SGCE: variants seen among roughly 807,000 people sequenced by gnomAD.
SGCE encodes sarcoglycan epsilon.
Under a neutral mutation model 57.8 loss-of-function variants are expected in SGCE, and 26 were observed. The observed-to-expected ratio is 0.45, with a 90% CI of 0.33 to 0.62. SGCE has a LOEUF of 0.62. Among genes scored for constraint, SGCE ranks in the 20% least tolerant of loss-of-function variants. SGCE has a pLI of 0.02. For synonymous variants in SGCE, 183 were observed against 189.5 expected, an observed-to-expected ratio of 0.97 and a Z score of 0.28; for missense variants, 468 against 548.6, an observed-to-expected ratio of 0.85 and a Z score of 1.47.
rs1012278886 is a variant in SGCE, at chr7:94,650,226, T to C, written c.109+5764A>G. Among the ~76,000 whole-genome samples the C allele has an allele frequency of 3.9e-5, 6 of 152,180 alleles. No individual in the cohort carries two copies. In the East Asian group the frequency reaches 9.6e-4, roughly 24 times the overall value. Reference sequence around the variant, plus strand: ...TAAAAATTGTAACTGTTAAGTTTTGTAGGGAGATACATCACAAGGGAGGGG... The same window carrying C: ...TAAAAATTGTAACTGTTAAGTTTTGCAGGGAGATACATCACAAGGGAGGGG... On this transcript the variant is annotated intron_variant, in intron 1 of 10. Transcript: ENST00000648936.
At chr7:94,636,712 A>G (rs911176426) in intron 1 of SGCE, among the ~76,000 whole-genome samples, 3 of 152,202 alleles carry the variant, frequency 2.0e-5, no homozygotes, top group Non-Finnish European at 4.4e-5. Flanking sequence ...TAAGGCATTC[A>G]AATTCCTTAG....
Position 94,618,780 on chromosome 7 carries a change from G to A in SGCE, c.640C>T (p.Pro214Ser). ...TACCCCTCCTTCAGGTCATTAATGGGAAGTGGCACCCTGCCACCCCTGTCT... is the reference window on the plus strand; with the variant it reads ...TACCCCTCCTTCAGGTCATTAATGGAAAGTGGCACCCTGCCACCCCTGTCT... ...ALDRGGRVPL[P>S]INDLKEGVYV... The change falls in exon 5 of 11, where the codon CCC becomes TCC. Residue 214 changes from proline (P) to serine (S), a missense_variant. Coordinates refer to ENST00000648936, the MANE Select transcript of SGCE (RefSeq NM_003919.3). 2 of 1,613,882 alleles carry A rather than the reference G, an allele frequency of 1.2e-6. No homozygotes were observed. Among genetic ancestry groups the A allele is most frequent in the Non-Finnish European group, 1.7e-6 (2 of 1,179,902 alleles).
At chr7:94,602,525 A>C (rs916576397) in intron 6 of SGCE, among the ~76,000 whole-genome samples, 2 of 152,136 alleles carry the variant, frequency 1.3e-5, no homozygotes, top group African/African-American at 2.4e-5. Context: ...GAATTGACAG[A>C]AGTTATATCT....
intron 5 of SGCE, 83 bp from the exon 6 acceptor site, chr7:94,603,535 G>C (rs190993040): frequency 4.2e-5 from 57 of 1,356,456 alleles, no homozygotes; most frequent in Non-Finnish European, 5.6e-5. Context: ...GCAGGATTTA[G>C]CCTTTTGAAT....
In SGCE at chr7:94,629,741, T is replaced by A. The variant is rs907043992; in HGVS notation, c.210A>T (p.Glu70Asp). 6.2e-7 allele frequency: 1 copy of A among 1,611,164 alleles called. No individual in the cohort carries two copies. Among genetic ancestry groups the A allele is most frequent in the Non-Finnish European group, 8.5e-7 (1 of 1,177,908 alleles). Reference protein sequence around the residue: ...HVLEREYFKGEFPPYPKPGEI... With the variant: ...HVLEREYFKGDFPPYPKPGEI... ...TACCAGGTTTTGGGTAAGGTGGAAA[T>A]TCCCCCTTAAAATATTCTCTTTCCA... is the stretch of plus-strand genomic sequence containing the variant. Residue 70 changes from glutamate (E) to aspartate (D), a missense_variant, in exon 2 of 11, where the codon GAA becomes GAT. Transcript: ENST00000648936.
chr7:94,637,511 T>C (rs1303976413), intron 1 of SGCE, among the ~76,000 whole-genome samples: 1 of 152,082 alleles, frequency 6.6e-6, no homozygotes, highest in Non-Finnish European at 1.5e-5. Flanking sequence ...ATCTCTTGGG[T>C]CCCAAGGAGA....
chr7:94,594,078 A>G (rs555616317), intron 9 of SGCE, among the ~76,000 whole-genome samples: 1 of 152,182 alleles, frequency 6.6e-6, no homozygotes, highest in South Asian at 2.1e-4. Flanking sequence ...CGTTCCTTTG[A>G]TGACCTAAAA....
chr7:94,642,270 C>T (rs541379348), intron 1 of SGCE, among the ~76,000 whole-genome samples: 55 of 152,180 alleles, frequency 3.6e-4, no homozygotes, highest in Admixed American at 2.0e-3. Context: ...TATTTAATAA[C>T]GGAAGTTATG....
At chr7:94,652,396 AT>A (rs1335074572) in intron 1 of SGCE, among the ~76,000 whole-genome samples, 1 of 152,220 alleles carries the variant, frequency 6.6e-6, no homozygotes, top group East Asian at 1.9e-4. Flanking sequence ...AGAAAATGTG[AT>A]CTATAAATAC....
intron 6 of SGCE, among the ~76,000 whole-genome samples, 199 bp downstream of exon 6, chr7:94,603,091 A>G (rs1374240832): frequency 6.6e-6 from 1 of 152,186 alleles, no homozygotes; most frequent in East Asian, 1.9e-4. Flanking sequence ...CAAGGATAGA[A>G]TAAGTACAAA....
chr7:94,588,982 C>A (rs1490252636), intron 9 of SGCE: 1 of 503,296 alleles, frequency 2.0e-6, no homozygotes, highest in Admixed American at 3.2e-5. Context: ...CTCACAACAA[C>A]CCTAAGAGGT....
rs923918405 is a variant in SGCE, at chr7:94,585,229, C to T, written c.*270G>A. The T allele has an allele frequency of 9.7e-5, 39 of 404,050 alleles. No homozygotes were observed. In the East Asian group the frequency reaches 1.3e-3, roughly 13 times the overall value. The allele number at this position is 404,050 out of a possible 1,614,324, so 25.0% of individuals were successfully genotyped here. A position where few individuals can be genotyped will look rare whatever the true frequency, so the allele number is the denominator to read the frequency against. ...GAAGTAAATTTCACCAGTCATTAGG[C>T]TTCATTAATAATATTTATTTTAAAG... On this transcript the variant is annotated 3_prime_UTR_variant, in exon 11 of 11. Transcript: ENST00000648936.
intron 10 of SGCE, chr7:94,587,582 G>T: frequency 7.3e-7 from 1 of 1,374,774 alleles, no homozygotes; most frequent in Non-Finnish European, 9.3e-7. Flanking sequence ...CTCTTTAGGT[G>T]ACTCATTTTT....
intron 5 of SGCE, among the ~76,000 whole-genome samples, chr7:94,616,255 G>C (rs997466294): frequency 6.6e-6 from 1 of 152,092 alleles, no homozygotes; most frequent in African/African-American, 2.4e-5. Flanking sequence ...GTCATCTGCT[G>C]TTTAACTGAC....
chr7:94,655,411 C>T (rs958712942), intron 1 of SGCE, among the ~76,000 whole-genome samples: 1 of 152,124 alleles, frequency 6.6e-6, no homozygotes, highest in Non-Finnish European at 1.5e-5. Context: ...TTCCCTGCTC[C>T]GTAAAACCGA....
At chr7:94,648,454 A>G (rs1180638960) in intron 1 of SGCE, among the ~76,000 whole-genome samples, 1 of 150,692 alleles carries the variant, frequency 6.6e-6, no homozygotes, top group African/African-American at 2.4e-5. Context: ...TATTATGATT[A>G]TCAACACTAT....
rs71123905 is a variant in SGCE at position 94,601,443 on chromosome 7, C to CAAAAAAAAAA, written c.826-596_826-587dup. Reference sequence around the variant, plus strand: ...GTCTTACTTAATTCTATCCCAGTATCAAAAAAAAAAAAAAAAAAAAAAAAA... The same window carrying CAAAAAAAAAA: ...GTCTTACTTAATTCTATCCCAGTATCAAAAAAAAAAAAAAAAAAAAAAAAAAAAAAAAAAA... On this transcript the variant is annotated intron_variant, in intron 6 of 10. Transcript: ENST00000648936. Among the ~76,000 whole-genome samples, 194 of 89,238 alleles carry CAAAAAAAAAA rather than the reference C, an allele frequency of 2.2e-3. 19 individuals carry two copies. The highest frequency in any genetic ancestry group is 5.9e-3 in the Middle Eastern group (1 of 170). 58.5% of individuals were successfully genotyped at this position (89,238 alleles called of 152,430 possible).
chr7:94,587,900 G>T, intron 10 of SGCE: 1 of 1,488,926 alleles, frequency 6.7e-7, no homozygotes, highest in South Asian at 1.4e-5. Context: ...GTTTTTAAGA[G>T]ACTTACTTAA....
At chr7:94,648,315 C>T (rs1807391146) in intron 1 of SGCE, among the ~76,000 whole-genome samples, 1 of 140,346 alleles carries the variant, frequency 7.1e-6, no homozygotes, top group South Asian at 2.2e-4. Context: ...GCGGAGGTTG[C>T]AGTGAGCCAA....
Sources: allele counts gnomAD v4.1 joint callset (sites outside exome capture counted in the v4.1 genomes callset), GRCh38; gene constraint gnomAD v4.1.1; transcripts MANE v1.5; gene names NCBI Gene and HGNC (gene_info 2026-07-23, HGNC 2026-07-21).